LPAR3: variants seen among roughly 807,000 people sequenced by gnomAD.
The protein encoded by LPAR3 is lysophosphatidic acid receptor 3.
LPAR3 carries 7 observed loss-of-function variants against 17.8 expected under a neutral mutation model. The ratio of observed to expected loss-of-function variants is 0.39; its 90% CI spans 0.22 to 0.74. The LOEUF is 0.74. Ranked by LOEUF, LPAR3 falls within the 30% of genes least tolerant of loss-of-function variation. LPAR3 has a pLI of 0.40. For missense variants in LPAR3, 391 were observed against 453.4 expected (o/e 0.86, Z 1.25); for synonymous variants, 179 against 179.9 (o/e 0.99, Z 0.04).
chr1:84,859,916 G>T (rs532228471), intron 2 of LPAR3, among the ~76,000 whole-genome samples: 1 of 152,286 alleles, frequency 6.6e-6, no homozygotes, highest in Admixed American at 6.5e-5. Flanking sequence ...TTTCCATGTG[G>T]GGTTTCTTGT....
At chr1:84,854,954 G>A (rs1028841249) in intron 2 of LPAR3, among the ~76,000 whole-genome samples, 2 of 152,194 alleles carry the variant, frequency 1.3e-5, no homozygotes, top group Admixed American at 1.3e-4. Flanking sequence ...GATTCTTTGA[G>A]GTAATGGGAT....
chr1:84,819,332 T>A (rs1659006488), intron 2 of LPAR3, among the ~76,000 whole-genome samples: 1 of 152,208 alleles, frequency 6.6e-6, no homozygotes, highest in Non-Finnish European at 1.5e-5. Context: ...AGATTACCAG[T>A]GTTTTTCAAA....
At chr1:84,825,145 T>TAGC (rs1222256697) in intron 2 of LPAR3, among the ~76,000 whole-genome samples, 2 of 152,202 alleles carry the variant, frequency 1.3e-5, no homozygotes, top group East Asian at 3.9e-4. Context: ...GGTTCTCTCA[T>TAGC]AGCTTCCTTT....
intron 1 of LPAR3, among the ~76,000 whole-genome samples, chr1:84,874,798 A>G (rs1457228435): frequency 6.6e-6 from 1 of 152,242 alleles, no homozygotes; most frequent in African/African-American, 2.4e-5. Context: ...TTATTTACAC[A>G]TAATATAACT....
Position 84,813,158 on chromosome 1 carries a change from T to TATATATATAGAGAGAGAGAGAGAG in LPAR3, c.*687_*688insCTCTCTCTCTCTCTCTATATATAT, listed in dbSNP as rs1206774677. ...ATATATATATATATATATATATATATAGACACACACACACACACACACACA... is the reference window on the plus strand; with the variant it reads ...ATATATATATATATATATATATATATATATATATAGAGAGAGAGAGAGAGAGACACACACACACACACACACACA... On this transcript the variant is annotated 3_prime_UTR_variant, in exon 3 of 3. Transcript: ENST00000370611. 2 of 101,692 alleles carry TATATATATAGAGAGAGAGAGAGAG rather than the reference T, an allele frequency of 2.0e-5. No homozygotes were observed. Among genetic ancestry groups the TATATATATAGAGAGAGAGAGAGAG allele is most frequent in the Non-Finnish European group, 4.2e-5 (2 of 47,314 alleles). 6.3% of individuals were successfully genotyped at this position (101,692 alleles called of 1,614,324 possible).
At chr1:84,832,762 T>C (rs568496941) in intron 2 of LPAR3, among the ~76,000 whole-genome samples, 4 of 152,196 alleles carry the variant, frequency 2.6e-5, no homozygotes, top group Non-Finnish European at 5.9e-5. Context: ...CAGCTAGGGG[T>C]TCTCCTCTAA....
In LPAR3 at chr1:84,812,773, T is replaced by G. The variant is rs56363810; in HGVS notation, c.*1073A>C. ...TAACATTGTTCTTTGGTCCTCTTAT[T>G]CCTCTGTCCTTTTGCTGGGTTTTCT... On this transcript the variant is annotated 3_prime_UTR_variant, in exon 3 of 3. Coordinates refer to ENST00000370611, the MANE Select transcript of LPAR3 (RefSeq NM_012152.3). 2,919 of 152,186 alleles carry G rather than the reference T, an allele frequency of 0.019. 35 individuals carry two copies. Among genetic ancestry groups the G allele is most frequent in the Non-Finnish European group, 0.026 (1,778 of 68,040 alleles). 9.4% of individuals were successfully genotyped at this position (152,186 alleles called of 1,614,324 possible).
chr1:84,886,448 C>T (rs754873447), intron 1 of LPAR3, among the ~76,000 whole-genome samples: 17 of 152,144 alleles, frequency 1.1e-4, no homozygotes, highest in Non-Finnish European at 2.4e-4. Context: ...ACTGCTCAAA[C>T]CTAGGAGTTA....
At chr1:84,863,481 G>A (rs1319856197) in intron 2 of LPAR3, among the ~76,000 whole-genome samples, 1 of 152,112 alleles carries the variant, frequency 6.6e-6, no homozygotes, top group Non-Finnish European at 1.5e-5. Context: ...GTTCCCCAGA[G>A]TCTCCTGGGT....
At chr1:84,881,875 C>A (rs1282524272) in intron 1 of LPAR3, among the ~76,000 whole-genome samples, 1 of 152,186 alleles carries the variant, frequency 6.6e-6, no homozygotes, top group African/African-American at 2.4e-5. Flanking sequence ...CAGCTAACAT[C>A]ATACTCAATG....
chr1:84,887,274 G>A (rs11580739), intron 1 of LPAR3, among the ~76,000 whole-genome samples: 10,856 of 151,974 alleles, frequency 0.071, 515 homozygotes, highest in South Asian at 0.14. Context: ...CAACTTGGGG[G>A]GCTGAGGCAG....
intron 1 of LPAR3, among the ~76,000 whole-genome samples, chr1:84,889,508 C>T (rs1363619204): frequency 6.6e-6 from 1 of 152,168 alleles, no homozygotes; most frequent in Non-Finnish European, 1.5e-5. Flanking sequence ...ACAGGTAATT[C>T]CAACACGAAA....
intron 2 of LPAR3, among the ~76,000 whole-genome samples, chr1:84,823,045 G>A (rs575680751): frequency 7.8e-4 from 118 of 152,252 alleles, no homozygotes; most frequent in African/African-American, 2.6e-3. Flanking sequence ...CTAGTAAGCC[G>A]CAGGGCCATC....
intron 1 of LPAR3, among the ~76,000 whole-genome samples, chr1:84,880,684 T>C (rs1221571748): frequency 6.6e-6 from 1 of 152,202 alleles, no homozygotes; most frequent in African/African-American, 2.4e-5. Context: ...ATGCGGTAAC[T>C]GACCTGTGGA....
At chr1:84,889,305 C>T (rs1337047188) in intron 1 of LPAR3, among the ~76,000 whole-genome samples, 1 of 152,092 alleles carries the variant, frequency 6.6e-6, no homozygotes. Flanking sequence ...GGAGCAATGC[C>T]TTTGGTCAGT....
At chr1:84,869,405 G>A (rs1335050945) in intron 1 of LPAR3, among the ~76,000 whole-genome samples, 1 of 152,088 alleles carries the variant, frequency 6.6e-6, no homozygotes, top group Non-Finnish European at 1.5e-5. Flanking sequence ...ACTTTTGAGA[G>A]AAACAGGTAA....
At chr1:84,856,656 G>C (rs549096861) in intron 2 of LPAR3, among the ~76,000 whole-genome samples, 132 of 152,132 alleles carry the variant, frequency 8.7e-4, no homozygotes, top group African/African-American at 3.1e-3. Context: ...TTCAGTCACA[G>C]GGCAAACTTT....
At position 84,814,247 on chromosome 1, in the gene LPAR3, T is replaced by G. The variant is rs1254822006; in HGVS notation, c.737-76A>C. ...TTCAGGTTTTCTTCTCTCCCAGCCT[T>G]TAGCCAGTGGCATCAAGGGGCCCTC... On this transcript the variant is annotated intron_variant, in intron 2 of 2. Transcript: ENST00000370611. 91 of 1,254,386 alleles carry G rather than the reference T, an allele frequency of 7.3e-5. No individual in the cohort carries two copies. In the South Asian group the frequency reaches 1.2e-3, roughly 16 times the overall value. 77.7% of individuals were successfully genotyped at this position (1,254,386 alleles called of 1,614,324 possible).
chr1:84,867,099 A>G (rs969819580), intron 1 of LPAR3, among the ~76,000 whole-genome samples: 4 of 152,246 alleles, frequency 2.6e-5, no homozygotes, highest in African/African-American at 9.6e-5. Flanking sequence ...TCAGGCAGAC[A>G]GGGAAGACAC....
Sources: gnomAD v4.1 joint callset for allele counts (sites outside exome capture counted in the v4.1 genomes callset) on GRCh38, gnomAD v4.1.1 for gene constraint, MANE v1.5 for transcripts, NCBI Gene and HGNC (gene_info 2026-07-23, HGNC 2026-07-21) for gene names.